The following KIAA1217 variants were observed in gnomAD, a reference collection of about 807,000 sequenced individuals.
KIAA1217 encodes the protein sickle tail protein homolog.
In KIAA1217, 88 loss-of-function variants were observed where a neutral mutation model predicts 163.9. The observed-to-expected ratio is 0.54, with a 90% CI of 0.45 to 0.64. KIAA1217 has a LOEUF of 0.64. Ranked by LOEUF, KIAA1217 falls within the 30% of genes least tolerant of loss-of-function variation. KIAA1217 has a pLI of 0.00. For missense variants in KIAA1217, 2,372 were observed against 2,475.0 expected (o/e 0.96, Z 0.88); for synonymous variants, 903 against 923.1 (o/e 0.98, Z 0.39).
chr10:23,810,284 T>A (rs190984539), intron 1 of KIAA1217, among the ~76,000 whole-genome samples: 75 of 149,190 alleles, frequency 5.0e-4, no homozygotes, highest in Admixed American at 1.0e-3. Flanking sequence ...TGTATATATA[T>A]ATATGAAAAG....
chr10:23,860,217 T>C (rs1384334286), intron 1 of KIAA1217, among the ~76,000 whole-genome samples: 1 of 150,574 alleles, frequency 6.6e-6, no homozygotes, highest in Non-Finnish European at 1.5e-5. Context: ...TCTTCCTTAA[T>C]GCAGCTGAGG....
chr10:23,744,915 G>A (rs976755378), intron 1 of KIAA1217, among the ~76,000 whole-genome samples: 8 of 152,076 alleles, frequency 5.3e-5, no homozygotes, highest in Admixed American at 3.9e-4. Flanking sequence ...GTCTGTTAAG[G>A]CCTTTAACCG....
chr10:23,912,473 C>A (rs969019027), intron 1 of KIAA1217, among the ~76,000 whole-genome samples: 1 of 152,060 alleles, frequency 6.6e-6, no homozygotes, highest in Middle Eastern at 3.4e-3. Flanking sequence ...CTTTTTCAAC[C>A]CTCACCCCTC....
rs1463038816 is a variant in KIAA1217, at chr10:23,957,222, A to G, written c.-320-50003A>G. On this transcript the variant is annotated intron_variant, in intron 1 of 18. Coordinates refer to the KIAA1217 transcript ENST00000376462. ...TGTGCTGGCCCTCGTGTGCCTGGCC[A>G]GTATCCCCACATATGCCCCTTCTGG... Among the ~76,000 whole-genome samples the G allele has an allele frequency of 2.6e-5, 4 of 152,084 alleles. No homozygotes were observed. In the South Asian group the frequency reaches 6.2e-4, roughly 24 times the overall value.
At chr10:24,156,022 T>C (rs1395841133) in intron 2 of KIAA1217, among the ~76,000 whole-genome samples, 2 of 152,204 alleles carry the variant, frequency 1.3e-5, no homozygotes, top group Non-Finnish European at 2.9e-5. Flanking sequence ...CTTTAGTAAC[T>C]GCACACATTT....
intron 2 of KIAA1217, among the ~76,000 whole-genome samples, chr10:24,197,537 T>C (rs550631052): frequency 8.5e-5 from 13 of 152,376 alleles, no homozygotes; most frequent in African/African-American, 2.9e-4. Flanking sequence ...TGAGGCGGAA[T>C]GTTGAAACAT....
intron 2 of KIAA1217, chr10:24,275,843 T>G: frequency 2.2e-6 from 1 of 458,252 alleles, no homozygotes; most frequent in Non-Finnish European, 4.4e-6. Flanking sequence ...CAAAGCAGTG[T>G]CTCATCTGCA....
chr10:24,490,859 C>T (rs1234482479), intron 6 of KIAA1217, among the ~76,000 whole-genome samples: 9 of 152,198 alleles, frequency 5.9e-5, no homozygotes, highest in Non-Finnish European at 1.3e-4. Context: ...TTGCAGGTGA[C>T]ATGCCCTGAA....
At chr10:24,028,153 C>A (rs1462327651) in intron 2 of KIAA1217, among the ~76,000 whole-genome samples, 5 of 151,718 alleles carry the variant, frequency 3.3e-5, no homozygotes, top group Non-Finnish European at 7.4e-5. Context: ...ATTAAGAAAC[C>A]CAGAAAAGAG....
At chr10:24,096,660 T>G (rs2062175352) in intron 2 of KIAA1217, among the ~76,000 whole-genome samples, 1 of 152,174 alleles carries the variant, frequency 6.6e-6, no homozygotes, top group Non-Finnish European at 1.5e-5. Flanking sequence ...AAATTTTTTT[T>G]ACCTCAGGCC....
chr10:23,971,860 G>C (rs943538332), intron 1 of KIAA1217, among the ~76,000 whole-genome samples: 14 of 152,158 alleles, frequency 9.2e-5, no homozygotes, highest in Admixed American at 2.6e-4. Context: ...GCTACCTGGA[G>C]GCTTCATCTG....
rs543743414 is a variant in KIAA1217, at chr10:24,487,392, A to G, written c.1680-7108A>G. ...TCAGCGCCCGTCATGGTGCTCACGCACAAAGTGATGGTGGAAGTGAACTGA... is the reference window on the plus strand; with the variant it reads ...TCAGCGCCCGTCATGGTGCTCACGCGCAAAGTGATGGTGGAAGTGAACTGA... On this transcript the variant is annotated intron_variant, in intron 6 of 20. Coordinates refer to ENST00000376454, the MANE Select transcript of KIAA1217 (RefSeq NM_019590.5). Among the ~76,000 whole-genome samples, 180 of 152,378 alleles carry G rather than the reference A, an allele frequency of 1.2e-3. 1 individual carries two copies. The highest frequency in any genetic ancestry group is 4.0e-3 in the African/African-American group (168 of 41,598).
chr10:24,419,825 T>C (rs1363631358), intron 3 of KIAA1217, among the ~76,000 whole-genome samples: 1 of 152,152 alleles, frequency 6.6e-6, no homozygotes, highest in East Asian at 1.9e-4. Flanking sequence ...TATTATTGTT[T>C]TGTGTGTTAT....
At position 24,094,559 on chromosome 10, in the gene KIAA1217, C is replaced by T. The variant is rs541685795; in HGVS notation, c.-171+87185C>T. Among the ~76,000 whole-genome samples the T allele has an allele frequency of 6.2e-4, 94 of 152,286 alleles. 3 individuals are homozygous for T. In the South Asian group the frequency reaches 0.019, roughly 31 times the overall value. On this transcript the variant is annotated intron_variant, in intron 2 of 18. Transcript: ENST00000376462. ...TGCAGAACAGCGGATTTTCGTGAAC[C>T]GCAAATGCTGCTGTCTGATTGTTCC...
intron 2 of KIAA1217, among the ~76,000 whole-genome samples, chr10:24,059,943 G>T (rs1373136240): frequency 6.6e-6 from 1 of 152,114 alleles, no homozygotes; most frequent in African/African-American, 2.4e-5. Flanking sequence ...TTTCATCTAG[G>T]TTATCCAATT....
intron 2 of KIAA1217, among the ~76,000 whole-genome samples, chr10:24,195,945 A>G (rs11817501): frequency 0.047 from 7,215 of 152,200 alleles, 558 homozygotes; most frequent in African/African-American, 0.16. Context: ...TCTGGGCAGC[A>G]CAGCAAGATT....
intron 1 of KIAA1217, among the ~76,000 whole-genome samples, chr10:23,845,446 G>T (rs981243982): frequency 6.6e-6 from 1 of 152,100 alleles, no homozygotes; most frequent in African/African-American, 2.4e-5. Flanking sequence ...GCATGAGATG[G>T]TATCTCATTG....
chr10:24,161,910 G>A (rs117375220), intron 2 of KIAA1217, among the ~76,000 whole-genome samples: 2,417 of 152,286 alleles, frequency 0.016, 26 homozygotes, highest in Middle Eastern at 0.058. Flanking sequence ...GAAATGATAC[G>A]AGCTAGATAG....
At chr10:23,998,821 T>G (rs1018440531) in intron 1 of KIAA1217, among the ~76,000 whole-genome samples, 5 of 152,228 alleles carry the variant, frequency 3.3e-5, no homozygotes, top group African/African-American at 1.2e-4. Context: ...CAAGCATGGT[T>G]CGTATTGAGC....
Sources: allele counts gnomAD v4.1 joint callset (sites outside exome capture counted in the v4.1 genomes callset), GRCh38; gene constraint gnomAD v4.1.1; transcripts MANE v1.5; gene names NCBI Gene and HGNC (gene_info 2026-07-23, HGNC 2026-07-21).